ZNF723: variants seen among roughly 807,000 people sequenced by gnomAD.
ZNF723 encodes the protein zinc finger protein 723.
ZNF723 carries 5 observed loss-of-function variants against 9.4 expected under a neutral mutation model. That is an observed-to-expected ratio of 0.53 (90% CI 0.28 to 1.12). The LOEUF is 1.12. Ranked by LOEUF, ZNF723 falls within the 50% of genes most tolerant of loss-of-function variation. ZNF723 has a pLI of 0.10. For synonymous variants in ZNF723, 158 were observed against 168.8 expected, an observed-to-expected ratio of 0.94 and a Z score of 0.49; for missense variants, 450 against 501.5, an observed-to-expected ratio of 0.90 and a Z score of 0.98.
At chr19:22,838,232 G>A (rs531894501) in intron 1 of ZNF723, among the ~76,000 whole-genome samples, 1 of 152,174 alleles carries the variant, frequency 6.6e-6, no homozygotes, top group African/African-American at 2.4e-5. Context: ...GTGTCCATGT[G>A]TTGTTATTAT....
In ZNF723 at chr19:22,857,930, G is replaced by A. The variant is rs916614524; in HGVS notation, c.1039G>A (p.Gly347Ser). ...GEKLYKCEEC[G>S]KAFSQSSHIT... ...GAAACTCTACAAATGTGAAGAATGT[G>A]GCAAAGCATTCAGCCAGTCCTCACA... Residue 347 changes from glycine to serine, a missense_variant, in exon 4 of 4, where the codon GGC becomes AGC. Coordinates refer to ENST00000600766, the MANE Select transcript of ZNF723 (RefSeq NM_001349726.2). The A allele has an allele frequency of 7.5e-6, 11 of 1,466,888 alleles. No homozygotes were observed. Among genetic ancestry groups the A allele is most frequent in the African/African-American group, 4.2e-5 (3 of 71,888 alleles). 90.9% of individuals were successfully genotyped at this position (1,466,888 alleles called of 1,614,324 possible).
chr19:22,849,601 T>G (rs1336132319), intron 3 of ZNF723, among the ~76,000 whole-genome samples: 2 of 152,156 alleles, frequency 1.3e-5, no homozygotes, highest in Non-Finnish European at 2.9e-5. Flanking sequence ...ACCATAAATA[T>G]CTGCATAATT....
chr19:22,846,028 A>G lies in ZNF723; in HGVS notation c.4-2233A>G, dbSNP rs559890874. Among the ~76,000 whole-genome samples the G allele has an allele frequency of 9.4e-4, 142 of 151,184 alleles. 1 individual carries two copies. The highest frequency in any genetic ancestry group is 1.7e-3 in the Non-Finnish European group (117 of 67,908). On this transcript the variant is annotated intron_variant, in intron 1 of 3. Transcript: ENST00000600766. The stretch of plus-strand genomic sequence containing the variant: ...CCTCCCTAATGAGTTTGTTTTAACT[A>G]CTTTTGAAAATTTTATTGATAGTCA...
At chr19:22,838,396 A>G (rs1255414145) in intron 1 of ZNF723, among the ~76,000 whole-genome samples, 1 of 152,098 alleles carries the variant, frequency 6.6e-6, no homozygotes, top group Non-Finnish European at 1.5e-5. Flanking sequence ...TACTAAAAAC[A>G]CAAAAATTAG....
intron 3 of ZNF723, among the ~76,000 whole-genome samples, chr19:22,856,548 G>A (rs1312743676): frequency 6.6e-6 from 1 of 152,150 alleles, no homozygotes; most frequent in Non-Finnish European, 1.5e-5. Context: ...AGTTAAAGGA[G>A]TTTATTCATG....
chr19:22,857,120 G>C lies in ZNF723; in HGVS notation c.229G>C (p.Val77Leu). 2 of 946,664 alleles carry C rather than the reference G, an allele frequency of 2.1e-6. No individual in the cohort carries two copies. The highest frequency in any genetic ancestry group is 3.1e-6 in the Non-Finnish European group (2 of 635,714). The allele number at this position is 946,664 out of a possible 1,614,324, so 58.6% of individuals were successfully genotyped here. ...RHKMVAKPPV[V>L]CSHFAQDLWP... is the part of the protein sequence containing the mutation. ...TTTGTTATTTCTATTTTTTTCAGTT[G>C]TGTGTTCTCATTTTGCCCAAGACCT... Residue 77 changes from valine to leucine, a missense_variant and splice_region_variant, in exon 4 of 4, where the codon GTG (valine) becomes CTG (leucine). Val to Leu is a conservative substitution (Grantham distance 32). Around this residue, in one of 5 missense-constraint regions of ZNF723, gnomAD observed 143 missense variants for 101.3 expected, o/e 1.41. Transcript: ENST00000600766.
chr19:22,821,706 A>G, the ZNF723 span, among the ~76,000 whole-genome samples: 2 of 152,224 alleles, frequency 1.3e-5, no homozygotes, highest in African/African-American at 2.4e-5. Flanking sequence ...TCAAGCTTAT[A>G]TGGGAACCCA....
chr19:22,828,462 G>A (rs1327044464), upstream of ZNF723, among the ~76,000 whole-genome samples: 2 of 152,054 alleles, frequency 1.3e-5, no homozygotes, highest in Non-Finnish European at 2.9e-5. Context: ...AGACCATCAT[G>A]GCCAACAAGG....
chr19:22,824,096 A>G, the ZNF723 span, among the ~76,000 whole-genome samples: 2 of 152,222 alleles, frequency 1.3e-5, no homozygotes, highest in Non-Finnish European at 2.9e-5. Context: ...TTAAACTAGC[A>G]CATAAATTTT....
intron 1 of ZNF723, among the ~76,000 whole-genome samples, chr19:22,838,275 C>T (rs568437540): frequency 3.9e-5 from 6 of 152,186 alleles, no homozygotes; most frequent in East Asian, 1.9e-4. Flanking sequence ...AACATGGAGC[C>T]GGGCACGGTG....
chr19:22,849,915 T>TA (rs933467727), intron 3 of ZNF723, among the ~76,000 whole-genome samples: 3 of 150,866 alleles, frequency 2.0e-5, no homozygotes, highest in Non-Finnish European at 3.0e-5. Context: ...ATCTCAAAAG[T>TA]AAAAAAAAAG....
rs150334679 is a variant in ZNF723 at position 22,849,767 on chromosome 19, C to T, written c.226+474C>T. Among the ~76,000 whole-genome samples the T allele has an allele frequency of 5.9e-4, 89 of 152,044 alleles. No homozygotes were observed. The East Asian group carries it at 0.016, about 27-fold the overall frequency. On this transcript the variant is annotated intron_variant, in intron 3 of 3. Coordinates refer to ENST00000600766, the MANE Select transcript of ZNF723 (RefSeq NM_001349726.2). Reference sequence around the variant, plus strand: ...CTACCAAAAATACAAAAATTTGTTGCTCGTGGTGGCGCACTTCTGTAATCC... The same window carrying T: ...CTACCAAAAATACAAAAATTTGTTGTTCGTGGTGGCGCACTTCTGTAATCC...
At chr19:22,855,470 C>T (rs1967464063) in intron 3 of ZNF723, among the ~76,000 whole-genome samples, 1 of 152,120 alleles carries the variant, frequency 6.6e-6, no homozygotes, top group African/African-American at 2.4e-5. Context: ...CTAAGGTGAT[C>T]CATCTGCCGT....
chr19:22,835,067 TTG>T (rs1967148577), intron 1 of ZNF723, among the ~76,000 whole-genome samples: 1 of 21,574 alleles, frequency 4.6e-5, no homozygotes, highest in Non-Finnish European at 8.1e-5. Context: ...TGTTTGTTGG[TTG>T]TTTTTTTTTT....
chr19:22,831,480 C>G (rs1463956384), upstream of ZNF723, among the ~76,000 whole-genome samples: 7 of 151,722 alleles, frequency 4.6e-5, no homozygotes, highest in African/African-American at 9.7e-5. Flanking sequence ...TCACTTGAGA[C>G]TGGGAGGCGG....
chr19:22,818,303 G>A, the ZNF723 span, among the ~76,000 whole-genome samples: 1 of 152,060 alleles, frequency 6.6e-6, no homozygotes, highest in Admixed American at 6.6e-5. Context: ...ACACACAGAT[G>A]ACACTAAAAA....
At position 22,848,339 on chromosome 19, in the gene ZNF723, T is replaced by A. The variant is rs1967343541; in HGVS notation, c.82T>A (p.Leu28Ile). 1 of 1,469,066 alleles carries A rather than the reference T, an allele frequency of 6.8e-7. No individual in the cohort carries two copies. Among genetic ancestry groups the A allele is most frequent in the Admixed American group, 1.8e-5 (1 of 56,892 alleles). 91.0% of individuals were successfully genotyped at this position (1,469,066 alleles called of 1,614,324 possible). ...ATTCCTGGACACTGCACAGCAGAAT[T>A]TATATAGGGATGTGATGTTAGAGAA... ...WQFLDTAQQN[L>I]YRDVMLENYR... is the part of the protein sequence containing the mutation. The change falls in exon 2 of 4, where the codon TTA becomes ATA. Residue 28 changes from leucine to isoleucine, a missense_variant. Physicochemically the swap from Leu to Ile is conservative, Grantham distance 5. Transcript: ENST00000600766.
intron 1 of ZNF723, among the ~76,000 whole-genome samples, chr19:22,834,420 G>A (rs1427269340): frequency 6.7e-6 from 1 of 149,942 alleles, no homozygotes; most frequent in Non-Finnish European, 1.5e-5. Context: ...TTATGAGAAC[G>A]TTTTGGGGTA....
chr19:22,858,182 G>A lies in ZNF723; in HGVS notation c.1291G>A (p.Gly431Ser). 2 of 1,398,548 alleles carry A rather than the reference G, an allele frequency of 1.4e-6. No individual in the cohort carries two copies. Among genetic ancestry groups the A allele is most frequent in the Admixed American group, 1.7e-5 (1 of 59,556 alleles). The allele number at this position is 1,398,548 out of a possible 1,614,324, so 86.6% of individuals were successfully genotyped here. A position where few individuals can be genotyped will look rare whatever the true frequency, so the allele number is the denominator to read the frequency against. Residue 431 changes from glycine to serine, a missense_variant, in exon 4 of 4, where the codon GGT (glycine) becomes AGT (serine). Around this residue, in one of 5 missense-constraint regions of ZNF723, gnomAD observed 237 missense variants for 332.2 expected, o/e 0.71. Coordinates refer to ENST00000600766, the MANE Select transcript of ZNF723 (RefSeq NM_001349726.2). ...GERPYKCKQC[G>S]KGFSQSSTLT... is the part of the protein sequence containing the mutation. ...AAGACCTTACAAATGTAAACAATGT[G>A]GTAAAGGTTTTAGCCAATCCTCAAC...
Sources: allele counts gnomAD v4.1 joint callset (sites outside exome capture counted in the v4.1 genomes callset), GRCh38; gene constraint gnomAD v4.1.1; regional missense constraint gnomAD v4.1.1; transcripts MANE v1.5; gene names NCBI Gene and HGNC (gene_info 2026-07-23, HGNC 2026-07-21).